SLC35D4: variants seen among roughly 807,000 people sequenced by gnomAD.
The protein encoded by SLC35D4 is solute carrier family 35 member D4.
the SLC35D4 span, among the ~76,000 whole-genome samples, chr18:23,433,344 T>A: frequency 1.3e-5 from 2 of 152,232 alleles, no homozygotes; most frequent in Admixed American, 6.5e-5. Context: ...TTTCAGTGAA[T>A]TGTCTACTTC....
At chr18:23,363,640 C>T in the SLC35D4 span, among the ~76,000 whole-genome samples, 1 of 152,106 alleles carries the variant, frequency 6.6e-6, no homozygotes, top group Non-Finnish European at 1.5e-5. Flanking sequence ...TCCCAAAGTG[C>T]TGGGATTACA....
the SLC35D4 span, among the ~76,000 whole-genome samples, chr18:23,307,961 C>G: frequency 6.6e-6 from 1 of 151,774 alleles, no homozygotes. Context: ...CTGCTGAACA[C>G]CACCCCACAC....
the SLC35D4 span, among the ~76,000 whole-genome samples, chr18:23,270,404 A>G: frequency 6.6e-6 from 1 of 152,256 alleles, no homozygotes; most frequent in African/African-American, 2.4e-5. Flanking sequence ...GCCCTCATGA[A>G]GAACTCTTCT....
chr18:23,351,058 A>G, the SLC35D4 span, among the ~76,000 whole-genome samples: 3 of 152,164 alleles, frequency 2.0e-5, no homozygotes, highest in Admixed American at 6.5e-5. Flanking sequence ...AGAAATCAAT[A>G]TCTCAGCTAC....
chr18:23,386,398 G>A, the SLC35D4 span, among the ~76,000 whole-genome samples: 1 of 152,102 alleles, frequency 6.6e-6, no homozygotes, highest in Non-Finnish European at 1.5e-5. Flanking sequence ...GCAGCCACAA[G>A]CTGGGCAATG....
the SLC35D4 span, among the ~76,000 whole-genome samples, chr18:23,315,194 C>T: frequency 6.6e-6 from 1 of 152,172 alleles, no homozygotes; most frequent in African/African-American, 2.4e-5. Context: ...CAGCCATGTA[C>T]CTCCCTTTTA....
chr18:23,298,167 C>A, the SLC35D4 span: 5 of 1,356,668 alleles, frequency 3.7e-6, no homozygotes, highest in Admixed American at 7.1e-5. Flanking sequence ...CCTCATCCTG[C>A]AACTGAGACT....
At chr18:23,258,731 A>T in the SLC35D4 span, 1 of 152,208 alleles carries the variant, frequency 6.6e-6, no homozygotes, top group African/African-American at 2.4e-5. Context: ...GCGCACACTG[A>T]TTCTAGTGAG....
the SLC35D4 span, among the ~76,000 whole-genome samples, chr18:23,250,878 T>G: frequency 6.6e-6 from 1 of 152,356 alleles, no homozygotes; most frequent in African/African-American, 2.4e-5. Flanking sequence ...TGCTTTGCCT[T>G]TATTCACCAG....
the SLC35D4 span, among the ~76,000 whole-genome samples, chr18:23,358,660 T>A: frequency 6.6e-6 from 1 of 152,142 alleles, no homozygotes; most frequent in African/African-American, 2.4e-5. Flanking sequence ...AGAGTGGGGA[T>A]GCTATTTTCC....
chr18:23,390,695 C>T, the SLC35D4 span, among the ~76,000 whole-genome samples: 5 of 152,222 alleles, frequency 3.3e-5, no homozygotes, highest in Non-Finnish European at 1.5e-5. Flanking sequence ...CTCACAGGCA[C>T]GGCTTCGGTC....
chr18:23,388,916 T>C, the SLC35D4 span, among the ~76,000 whole-genome samples: 2 of 152,168 alleles, frequency 1.3e-5, no homozygotes, highest in African/African-American at 2.4e-5. Context: ...CCAGCCATGC[T>C]TCCTGTACAG....
At chr18:23,310,127 C>G in the SLC35D4 span, 1 of 764,338 alleles carries the variant, frequency 1.3e-6, no homozygotes, top group Non-Finnish European at 1.6e-6. Flanking sequence ...TCTCCAAGGT[C>G]AGATGTGCTC....
chr18:23,293,866 C>T, the SLC35D4 span, among the ~76,000 whole-genome samples: 3 of 152,220 alleles, frequency 2.0e-5, no homozygotes, highest in Non-Finnish European at 4.4e-5. Flanking sequence ...AGTCATGGCT[C>T]ATTGCAACCT....
the SLC35D4 span, among the ~76,000 whole-genome samples, chr18:23,274,958 T>C: frequency 6.6e-6 from 1 of 152,042 alleles, no homozygotes; most frequent in South Asian, 2.1e-4. Context: ...TGTATATGTG[T>C]GCTTGTGTGT....
the SLC35D4 span, among the ~76,000 whole-genome samples, chr18:23,254,487 A>G: frequency 3.9e-5 from 6 of 152,252 alleles, no homozygotes; most frequent in Non-Finnish European, 5.9e-5. Context: ...AGTAAAGCCA[A>G]CTGATTAGAA....
the SLC35D4 span, among the ~76,000 whole-genome samples, chr18:23,317,747 T>A: frequency 7.0e-6 from 1 of 142,164 alleles, no homozygotes; most frequent in South Asian, 2.2e-4. Context: ...GTTTCATTTC[T>A]TTTTTTTTTT....
At chr18:23,251,459 TAAAA>T in the SLC35D4 span, among the ~76,000 whole-genome samples, 4 of 150,572 alleles carry the variant, frequency 2.7e-5, no homozygotes, top group Non-Finnish European at 4.4e-5. Context: ...TCAAAAAAAA[TAAAA>T]AAAGATTATG....
the SLC35D4 span, among the ~76,000 whole-genome samples, chr18:23,294,276 G>C: frequency 6.6e-6 from 1 of 152,190 alleles, no homozygotes; most frequent in African/African-American, 2.4e-5. Context: ...AGGATCCAAG[G>C]GTAAATAAAG....
Sources: allele counts gnomAD v4.1 joint callset (sites outside exome capture counted in the v4.1 genomes callset), GRCh38; gene constraint gnomAD v4.1.1; transcripts MANE v1.5; gene names NCBI Gene and HGNC (gene_info 2026-07-23, HGNC 2026-07-21).